The following NUBPL variants were observed in gnomAD, a reference collection of about 807,000 sequenced individuals.
NUBPL encodes NUBP iron-sulfur cluster assembly factor, mitochondrial, also known as iron-sulfur cluster transfer protein NUBPL.
Under a neutral mutation model 45.7 loss-of-function variants are expected in NUBPL, and 31 were observed. The ratio of observed to expected loss-of-function variants is 0.68; its 90% CI spans 0.51 to 0.92. The LOEUF is 0.92. NUBPL is among the 40% of genes least tolerant of loss of function. The pLI, the probability that NUBPL is intolerant of heterozygous loss-of-function variation, is 0.00. For missense variants in NUBPL, 401 were observed against 398.7 expected (o/e 1.01, Z -0.05); for synonymous variants, 144 against 140.9 (o/e 1.02, Z -0.15).
At chr14:31,672,121 G>A (rs1186624779) in intron 4 of NUBPL, among the ~76,000 whole-genome samples, 3 of 152,042 alleles carry the variant, frequency 2.0e-5, no homozygotes, top group Admixed American at 2.0e-4. Flanking sequence ...TTCACTATAA[G>A]CAATAGATTG....
intron 6 of NUBPL, chr14:31,771,870 G>A (rs928960567): frequency 2.0e-6 from 2 of 985,326 alleles, no homozygotes; most frequent in Non-Finnish European, 2.4e-6. Flanking sequence ...ACCACAGATG[G>A]CAGGTAGGTG....
chr14:31,702,028 C>T (rs1035191164), intron 6 of NUBPL, among the ~76,000 whole-genome samples: 1 of 152,064 alleles, frequency 6.6e-6, no homozygotes, highest in Non-Finnish European at 1.5e-5. Flanking sequence ...GTAGGGGTTC[C>T]CAAGATCACC....
intron 6 of NUBPL, among the ~76,000 whole-genome samples, chr14:31,776,496 A>T (rs1276333708): frequency 6.6e-6 from 1 of 152,216 alleles, no homozygotes; most frequent in African/African-American, 2.4e-5. Flanking sequence ...CTGTCTTCCC[A>T]AGCTGACTGG....
At chr14:31,563,082 A>G (rs184361648) in intron 2 of NUBPL, among the ~76,000 whole-genome samples, 1 of 152,212 alleles carries the variant, frequency 6.6e-6, no homozygotes, top group African/African-American at 2.4e-5. Flanking sequence ...TAATGAATTC[A>G]TGTGCTCTCC....
chr14:31,584,337 C>G (rs1399766306), intron 3 of NUBPL, among the ~76,000 whole-genome samples: 1 of 152,104 alleles, frequency 6.6e-6, no homozygotes, highest in African/African-American at 2.4e-5. Context: ...ATTGCCAAGG[C>G]TGGTCTTTAA....
chr14:31,848,713 G>A (rs1021056013), intron 9 of NUBPL, among the ~76,000 whole-genome samples: 3 of 151,982 alleles, frequency 2.0e-5, no homozygotes, highest in Non-Finnish European at 4.4e-5. Context: ...TTCTTACTAC[G>A]CACCTATTTT....
At chr14:31,785,975 T>C (rs1305012813) in intron 6 of NUBPL, among the ~76,000 whole-genome samples, 1 of 151,994 alleles carries the variant, frequency 6.6e-6, no homozygotes, top group African/African-American at 2.4e-5. Context: ...CTTGGCAACA[T>C]GGCGAAACCC....
At chr14:31,573,512 C>T (rs375192302) in intron 3 of NUBPL, among the ~76,000 whole-genome samples, 2 of 152,262 alleles carry the variant, frequency 1.3e-5, no homozygotes, top group Non-Finnish European at 1.5e-5. Flanking sequence ...ACTCTTCATC[C>T]CTGTGACTGT....
chr14:31,741,160 C>T (rs2038275194), intron 6 of NUBPL, among the ~76,000 whole-genome samples: 1 of 152,078 alleles, frequency 6.6e-6, no homozygotes, highest in Admixed American at 6.6e-5. Context: ...CTTAGGATTC[C>T]CTGTACTTTT....
intron 4 of NUBPL, among the ~76,000 whole-genome samples, chr14:31,659,609 A>G (rs956014545): frequency 6.6e-6 from 1 of 152,190 alleles, no homozygotes; most frequent in Non-Finnish European, 1.5e-5. Flanking sequence ...TAGAAGTGAG[A>G]TACCAAGTTT....
intron 4 of NUBPL, among the ~76,000 whole-genome samples, chr14:31,636,018 C>A (rs12148039): frequency 0.063 from 9,548 of 152,118 alleles, 398 homozygotes; most frequent in Non-Finnish European, 0.091. Context: ...TCTAAATATA[C>A]AATCATGTCA....
chr14:31,706,265 C>T (rs2139909673), intron 6 of NUBPL, among the ~76,000 whole-genome samples: 1 of 152,272 alleles, frequency 6.6e-6, no homozygotes, highest in South Asian at 2.1e-4. Context: ...ATAGTGTCCT[C>T]CAGAGGGGAG....
intron 7 of NUBPL, among the ~76,000 whole-genome samples, chr14:31,803,176 T>C (rs1220088933): frequency 6.6e-6 from 1 of 152,208 alleles, no homozygotes; most frequent in Admixed American, 6.5e-5. Flanking sequence ...GTTAAATAAA[T>C]GAATGACCCA....
intron 3 of NUBPL, among the ~76,000 whole-genome samples, chr14:31,571,816 G>A (rs2033593359): frequency 6.6e-6 from 1 of 152,174 alleles, no homozygotes; most frequent in Non-Finnish European, 1.5e-5. Flanking sequence ...CACTCATGCA[G>A]CCATTCTGAT....
intron 6 of NUBPL, among the ~76,000 whole-genome samples, chr14:31,758,346 GC>G (rs1158057701): frequency 6.6e-6 from 1 of 152,108 alleles, no homozygotes. Flanking sequence ...CAATTGCCTA[GC>G]AAAAGTATTT....
intron 6 of NUBPL, among the ~76,000 whole-genome samples, chr14:31,767,685 G>A (rs1849109986): frequency 6.7e-6 from 1 of 150,028 alleles, no homozygotes; most frequent in South Asian, 2.1e-4. Flanking sequence ...CAGGGTGGAT[G>A]TGTTTTTTTA....
chr14:31,640,433 C>T (rs940213251), intron 4 of NUBPL, among the ~76,000 whole-genome samples: 6 of 151,994 alleles, frequency 3.9e-5, no homozygotes, highest in African/African-American at 1.4e-4. Context: ...AACCCTGTCT[C>T]TGCTAAAAAT....
Position 31,622,538 on chromosome 14 carries a change from C to T in NUBPL, c.382+23159C>T, listed in dbSNP as rs1247960907. 7.9e-5 allele frequency among the ~76,000 whole-genome samples: 12 copies of T among 152,240 alleles called. No homozygotes were observed. In the East Asian group the frequency reaches 2.3e-3, roughly 30 times the overall value. On this transcript the variant is annotated intron_variant, in intron 4 of 10. Transcript: ENST00000281081. ...GGGAAAAATGGTTTTATGATCCAGG[C>T]CCAGGACTCCACTGGTCTTTGCAGC...
At chr14:31,648,894 C>T (rs568725453) in intron 4 of NUBPL, among the ~76,000 whole-genome samples, 38 of 152,302 alleles carry the variant, frequency 2.5e-4, no homozygotes, top group South Asian at 4.1e-4. Flanking sequence ...CTGCAACCTC[C>T]GCCTCCCGGG....
Sources: gnomAD v4.1 joint callset for allele counts (sites outside exome capture counted in the v4.1 genomes callset) on GRCh38, gnomAD v4.1.1 for gene constraint, MANE v1.5 for transcripts, NCBI Gene and HGNC (gene_info 2026-07-23, HGNC 2026-07-21) for gene names.